The following TUSC3 variants were observed in gnomAD, a reference collection of about 807,000 sequenced individuals.
TUSC3 encodes the protein dolichyl-diphosphooligosaccharide--protein glycosyltransferase subunit TUSC3.
In TUSC3, 45 loss-of-function variants were observed where a neutral mutation model predicts 44.8. That is an observed-to-expected ratio of 1.00 (90% CI 0.79 to 1.29). TUSC3 has a LOEUF of 1.29. Ranked by LOEUF, TUSC3 falls within the 50% of genes most tolerant of loss-of-function variation. The pLI, the probability that TUSC3 is intolerant of heterozygous loss-of-function variation, is 0.00. For missense variants in TUSC3, 519 were observed against 437.9 expected, an observed-to-expected ratio of 1.19 and a Z score of -1.65; for synonymous variants, 212 against 152.9, an observed-to-expected ratio of 1.39 and a Z score of -2.85.
At chr8:15,849,767 G>C in the TUSC3 span, among the ~76,000 whole-genome samples, 1 of 151,442 alleles carries the variant, frequency 6.6e-6, no homozygotes, top group African/African-American at 2.4e-5. Flanking sequence ...CAAGCACAAT[G>C]AACTGTTCCG....
intron 1 of TUSC3, among the ~76,000 whole-genome samples, chr8:15,616,814 C>A (rs931521630): frequency 6.6e-6 from 1 of 152,086 alleles, no homozygotes; most frequent in South Asian, 2.1e-4. Context: ...GCTGCGTTCC[C>A]CTCATCCAGA....
At chr8:15,823,154 T>A in the TUSC3 span, among the ~76,000 whole-genome samples, 1 of 152,202 alleles carries the variant, frequency 6.6e-6, no homozygotes, top group Admixed American at 6.5e-5. Flanking sequence ...TAAAAGTTAG[T>A]TTAACCTGTA....
At chr8:15,813,303 T>A in the TUSC3 span, among the ~76,000 whole-genome samples, 1 of 151,836 alleles carries the variant, frequency 6.6e-6, no homozygotes, top group Non-Finnish European at 1.5e-5. Context: ...CTGACTCCCC[T>A]GAAATAACTT....
At chr8:15,517,574 T>A (rs73536432) in intron 2 of TUSC3, among the ~76,000 whole-genome samples, 308 of 137,072 alleles carry the variant, frequency 2.2e-3, no homozygotes, top group African/African-American at 8.2e-3. Flanking sequence ...ACATTCACAT[T>A]TACAGTTTAC....
chr8:15,476,692 C>T (rs1025910658), intron 1 of TUSC3, among the ~76,000 whole-genome samples: 1 of 152,106 alleles, frequency 6.6e-6, no homozygotes, highest in Non-Finnish European at 1.5e-5. Flanking sequence ...ACAAAAGTAC[C>T]CTCCACAGGG....
At chr8:15,614,036 G>A (rs1804880656) in intron 1 of TUSC3, among the ~76,000 whole-genome samples, 1 of 150,810 alleles carries the variant, frequency 6.6e-6, no homozygotes. Flanking sequence ...TTTTTCGGTG[G>A]GGGTCTGAGT....
At chr8:15,504,602 TATATATATATATATA>T (rs1468014494) in intron 2 of TUSC3, among the ~76,000 whole-genome samples, 12 of 42,826 alleles carry the variant, frequency 2.8e-4, no homozygotes, top group East Asian at 1.3e-3. Flanking sequence ...TATATATATA[TATATATATATATATA>T]TATATTTTTT....
chr8:15,844,166 G>C, the TUSC3 span, among the ~76,000 whole-genome samples: 1 of 151,586 alleles, frequency 6.6e-6, no homozygotes, highest in African/African-American at 2.4e-5. Flanking sequence ...TGAAGGGATG[G>C]CAAAAAAAAT....
chr8:15,822,927 A>C, the TUSC3 span, among the ~76,000 whole-genome samples: 1 of 152,122 alleles, frequency 6.6e-6, no homozygotes, highest in African/African-American at 2.4e-5. Context: ...TATCTGTATA[A>C]CATAGTCAAG....
chr8:15,618,677 G>C (rs184229160), intron 1 of TUSC3, among the ~76,000 whole-genome samples: 17 of 152,252 alleles, frequency 1.1e-4, no homozygotes, highest in Middle Eastern at 3.4e-3. Flanking sequence ...ACAGTCTAAA[G>C]ATAAAAAGTA....
At chr8:15,594,203 T>C (rs995303033) in intron 1 of TUSC3, among the ~76,000 whole-genome samples, 2 of 152,226 alleles carry the variant, frequency 1.3e-5, no homozygotes, top group Non-Finnish European at 2.9e-5. Context: ...GTTTAATCTT[T>C]TCATCTGCTG....
At chr8:15,768,157 C>CT (rs61660683), downstream of TUSC3, among the ~76,000 whole-genome samples, 77 of 151,054 alleles carry the variant, frequency 5.1e-4, no homozygotes, top group South Asian at 0.012. Context: ...TTCTTTTTAT[C>CT]TTTTTTTTTT....
chr8:15,672,852 CTTTGGTGTT>C (rs1808009468), intron 5 of TUSC3, among the ~76,000 whole-genome samples: 2 of 152,000 alleles, frequency 1.3e-5, no homozygotes, highest in African/African-American at 2.4e-5. Flanking sequence ...TCGTTCTTGT[CTTTGGTGTT>C]TTTGGTGTTT....
intron 1 of TUSC3, among the ~76,000 whole-genome samples, chr8:15,556,106 C>G (rs909605726): frequency 6.6e-5 from 10 of 150,540 alleles, no homozygotes; most frequent in Middle Eastern, 3.4e-3. Flanking sequence ...ACTGCACCCA[C>G]TAACTCGTCA....
the TUSC3 span, among the ~76,000 whole-genome samples, chr8:15,835,674 T>G: frequency 5.9e-5 from 9 of 152,154 alleles, no homozygotes; most frequent in Non-Finnish European, 1.3e-4. Flanking sequence ...TGGTAAAATA[T>G]TTTTGGAATG....
chr8:15,423,936 T>G (rs930402113), intron 1 of TUSC3, among the ~76,000 whole-genome samples: 4 of 151,528 alleles, frequency 2.6e-5, no homozygotes, highest in Non-Finnish European at 5.9e-5. Flanking sequence ...AGTCTTCGTT[T>G]TTTCTCTTAC....
rs75906981 is a variant in TUSC3, at chr8:15,466,722, G to T, written n.92-16664G>T. On this transcript the variant is annotated intron_variant and non_coding_transcript_variant, in intron 1 of 5. Coordinates refer to the TUSC3 transcript ENST00000503191. ...GAGATTTTCTTTAATTCCTGTTTTT[G>T]TTGTTGCTATTGTTTTGCTTTTAAA... 4.4e-3 allele frequency among the ~76,000 whole-genome samples: 676 copies of T among 152,076 alleles called. 3 individuals carry two copies. The highest frequency in any genetic ancestry group is 0.015 in the African/African-American group (636 of 41,504).
At chr8:15,818,239 C>CT in the TUSC3 span, among the ~76,000 whole-genome samples, 7 of 152,098 alleles carry the variant, frequency 4.6e-5, no homozygotes, top group Non-Finnish European at 8.8e-5. Flanking sequence ...AGTCATCATT[C>CT]TTTTTTTAGT....
chr8:15,563,660 T>G (rs1416325164), intron 1 of TUSC3, among the ~76,000 whole-genome samples: 1 of 126,410 alleles, frequency 7.9e-6, no homozygotes, highest in African/African-American at 3.1e-5. Context: ...CACTCCAGCC[T>G]GAGTGACAGA....
Sources: allele counts gnomAD v4.1 joint callset (sites outside exome capture counted in the v4.1 genomes callset), GRCh38; gene constraint gnomAD v4.1.1; transcripts MANE v1.5; gene names NCBI Gene and HGNC (gene_info 2026-07-23, HGNC 2026-07-21).